Variants in MTUS2 observed in about 807,000 individuals in gnomAD.
MTUS2 encodes the protein microtubule-associated tumor suppressor candidate 2.
A neutral mutation model predicts 114.1 loss-of-function variants in MTUS2; 40 were observed. The ratio of observed to expected loss-of-function variants is 0.35; its 90% CI spans 0.27 to 0.46. The LOEUF is 0.46. Among genes scored for constraint, MTUS2 ranks in the 20% least tolerant of loss-of-function variants. The pLI is 1.00. For synonymous variants in MTUS2, 688 were observed against 672.0 expected, an observed-to-expected ratio of 1.02 and a Z score of -0.37; for missense variants, 1,679 against 1,705.4, an observed-to-expected ratio of 0.98 and a Z score of 0.27.
chr13:29,302,289 C>T (rs776352298), intron 6 of MTUS2, among the ~76,000 whole-genome samples: 1 of 152,198 alleles, frequency 6.6e-6, no homozygotes, highest in Non-Finnish European at 1.5e-5. Context: ...CCAAGGGAAC[C>T]AGTGAGTGAT....
chr13:29,016,658 T>A (rs867250537), intron 2 of MTUS2, among the ~76,000 whole-genome samples: 12 of 152,176 alleles, frequency 7.9e-5, no homozygotes, highest in African/African-American at 2.9e-4. Flanking sequence ...TCTACTCATT[T>A]TATGTAAAAT....
intron 3 of MTUS2, among the ~76,000 whole-genome samples, chr13:29,028,995 G>T (rs1445953550): frequency 2.0e-5 from 3 of 152,206 alleles, no homozygotes; most frequent in Non-Finnish European, 4.4e-5. Context: ...AACAGAAGTT[G>T]TCATATCTAG....
chr13:29,210,410 T>C (rs748829879), intron 5 of MTUS2, among the ~76,000 whole-genome samples: 27 of 152,294 alleles, frequency 1.8e-4, no homozygotes, highest in Middle Eastern at 3.4e-3. Flanking sequence ...CTCAAACTTC[T>C]GAATTATTTT....
chr13:29,470,571 TTGCC>T (rs1368996194), intron 9 of MTUS2, among the ~76,000 whole-genome samples: 2 of 152,384 alleles, frequency 1.3e-5, no homozygotes, highest in Admixed American at 1.3e-4. Context: ...GCTTCCATCC[TTGCC>T]TCCTACAGTC....
chr13:29,394,280 G>C (rs1344401674), intron 8 of MTUS2, among the ~76,000 whole-genome samples: 1 of 152,136 alleles, frequency 6.6e-6, no homozygotes, highest in Non-Finnish European at 1.5e-5. Context: ...AAAAGTTACA[G>C]GCAGACATCC....
intron 5 of MTUS2, among the ~76,000 whole-genome samples, chr13:29,207,975 C>T (rs1195295267): frequency 6.6e-6 from 1 of 151,948 alleles, no homozygotes; most frequent in East Asian, 1.9e-4. Flanking sequence ...CTTTTTCTGT[C>T]TTTTGAAATA....
chr13:29,097,700 C>T (rs1890237468), intron 4 of MTUS2, among the ~76,000 whole-genome samples: 1 of 152,180 alleles, frequency 6.6e-6, no homozygotes, highest in Non-Finnish European at 1.5e-5. Context: ...TATATCTTCA[C>T]ATGGTGGAAA....
intron 2 of MTUS2, among the ~76,000 whole-genome samples, chr13:28,981,894 G>A (rs1884376182): frequency 6.6e-6 from 1 of 152,228 alleles, no homozygotes; most frequent in African/African-American, 2.4e-5. Flanking sequence ...AAGTGGGTAT[G>A]AGCGTATCTG....
intron 5 of MTUS2, among the ~76,000 whole-genome samples, chr13:29,220,972 TG>T (rs1895884859): frequency 6.6e-6 from 1 of 152,234 alleles, no homozygotes; most frequent in Non-Finnish European, 1.5e-5. Context: ...ATTATCCTAT[TG>T]ATAGTCCCAT....
At chr13:28,828,958 T>C (rs984241480) in intron 1 of MTUS2, among the ~76,000 whole-genome samples, 2 of 152,202 alleles carry the variant, frequency 1.3e-5, no homozygotes, top group Non-Finnish European at 2.9e-5. Flanking sequence ...CCTAAAAATA[T>C]TGCATTAATA....
At chr13:29,360,935 A>C (rs1870188898) in intron 8 of MTUS2, among the ~76,000 whole-genome samples, 1 of 152,180 alleles carries the variant, frequency 6.6e-6, no homozygotes, top group African/African-American at 2.4e-5. Context: ...AGTCAGAACA[A>C]GCCCTTGATA....
At chr13:29,497,617 GGAAAC>G (rs1882635913) in intron 13 of MTUS2, 1 of 466,366 alleles carries the variant, frequency 2.1e-6, no homozygotes, top group Non-Finnish European at 3.9e-6. Context: ...AGCATGGTCT[GGAAAC>G]CCCCCTCCGC....
chr13:29,183,922 C>G (rs1894111888), intron 5 of MTUS2, among the ~76,000 whole-genome samples: 1 of 152,072 alleles, frequency 6.6e-6, no homozygotes, highest in South Asian at 2.1e-4. Context: ...ACTCTTTCTT[C>G]CCCCGTAGTT....
At chr13:29,017,698 A>C (rs1200564715) in intron 2 of MTUS2, among the ~76,000 whole-genome samples, 1 of 129,592 alleles carries the variant, frequency 7.7e-6, no homozygotes, top group East Asian at 2.2e-4. Context: ...TCATCTTGAA[A>C]GATTGAAAAA....
chr13:29,429,187 G>A (rs57770493), intron 8 of MTUS2, among the ~76,000 whole-genome samples: 5,939 of 152,312 alleles, frequency 0.039, 387 homozygotes, highest in African/African-American at 0.13. Flanking sequence ...CTTGAAATCA[G>A]AACTGCCAAG....
intron 2 of MTUS2, among the ~76,000 whole-genome samples, chr13:28,875,482 T>C (rs948522839): frequency 6.6e-6 from 1 of 152,238 alleles, no homozygotes; most frequent in African/African-American, 2.4e-5. Context: ...ATTGCTGTTG[T>C]AGTCAACCTA....
intron 2 of MTUS2, among the ~76,000 whole-genome samples, chr13:28,902,695 A>G (rs1408274846): frequency 1.3e-5 from 2 of 152,092 alleles, no homozygotes; most frequent in Non-Finnish European, 2.9e-5. Flanking sequence ...AATTCTTTTT[A>G]TACACTGTTT....
intron 2 of MTUS2, among the ~76,000 whole-genome samples, chr13:28,954,821 G>A (rs924918762): frequency 5.3e-5 from 8 of 152,152 alleles, no homozygotes; most frequent in Non-Finnish European, 1.0e-4. Flanking sequence ...GGAGACTTAC[G>A]TATAGGGCTG....
chr13:28,845,663 T>G (rs1875828006), intron 2 of MTUS2, among the ~76,000 whole-genome samples: 1 of 151,590 alleles, frequency 6.6e-6, no homozygotes, highest in African/African-American at 2.4e-5. Context: ...TTTGTTTGTT[T>G]TTTTTTTTTA....
Sources: allele counts gnomAD v4.1 joint callset (sites outside exome capture counted in the v4.1 genomes callset), GRCh38; gene constraint gnomAD v4.1.1; transcripts MANE v1.5; gene names NCBI Gene and HGNC (gene_info 2026-07-23, HGNC 2026-07-21).